The following MYO16 variants were observed in gnomAD, a reference collection of about 807,000 sequenced individuals.
The protein encoded by MYO16 is unconventional myosin-XVI.
MYO16 carries 94 observed loss-of-function variants against 205.3 expected under a neutral mutation model. The observed-to-expected ratio is 0.46, with a 90% CI of 0.39 to 0.54. The LOEUF (loss-of-function observed/expected upper bound fraction) is 0.54, where lower values mean the gene tolerates loss of function less well. MYO16 is among the 20% of genes least tolerant of loss of function. MYO16 has a pLI of 0.00. For missense variants in MYO16, 2,315 were observed against 2,387.5 expected, an observed-to-expected ratio of 0.97 and a Z score of 0.63; for synonymous variants, 988 against 954.0, an observed-to-expected ratio of 1.04 and a Z score of -0.66.
intron 21 of MYO16, among the ~76,000 whole-genome samples, chr13:109,001,864 G>A (rs1215660571): frequency 6.6e-6 from 1 of 152,092 alleles, no homozygotes; most frequent in African/African-American, 2.4e-5. Flanking sequence ...CACAATTAGT[G>A]TTCTGCTGAA....
intron 32 of MYO16, among the ~76,000 whole-genome samples, chr13:109,147,697 T>A (rs534457071): frequency 2.6e-5 from 4 of 152,034 alleles, no homozygotes; most frequent in Admixed American, 6.5e-5. Context: ...GGGGTGGGAG[T>A]GCTCATGAAA....
intron 2 of MYO16, among the ~76,000 whole-genome samples, chr13:108,686,357 T>G (rs1012799717): frequency 5.3e-5 from 8 of 152,228 alleles, no homozygotes; most frequent in Non-Finnish European, 1.0e-4. Context: ...TTGTCATATT[T>G]TAAAAATACT....
chr13:108,497,973 A>G, the MYO16 span, among the ~76,000 whole-genome samples: 101 of 152,376 alleles, frequency 6.6e-4, 1 homozygote, highest in African/African-American at 2.0e-3. Context: ...TGAAGCCACA[A>G]TCATACATAG....
At chr13:109,068,763 G>C (rs1887835288) in intron 27 of MYO16, among the ~76,000 whole-genome samples, 1 of 151,956 alleles carries the variant, frequency 6.6e-6, no homozygotes, top group Admixed American at 6.6e-5. Context: ...AGCTAATTTT[G>C]TATTTTTAGT....
chr13:108,543,658 A>G, the MYO16 span, among the ~76,000 whole-genome samples: 2 of 150,666 alleles, frequency 1.3e-5, no homozygotes, highest in East Asian at 3.9e-4. Flanking sequence ...AAAAAAAAAA[A>G]AAAAAGAAAA....
chr13:108,914,222 A>G (rs1473069731), intron 16 of MYO16, among the ~76,000 whole-genome samples: 1 of 149,258 alleles, frequency 6.7e-6, no homozygotes, highest in Admixed American at 6.7e-5. Context: ...TGTATCTACT[A>G]TTGTTAATAT....
intron 16 of MYO16, among the ~76,000 whole-genome samples, chr13:108,926,165 A>G (rs1881991724): frequency 6.6e-6 from 1 of 152,210 alleles, no homozygotes; most frequent in Non-Finnish European, 1.5e-5. Context: ...AAATACACTG[A>G]CGTGTTTCAG....
chr13:108,547,542 C>T, the MYO16 span, among the ~76,000 whole-genome samples: 2 of 152,146 alleles, frequency 1.3e-5, no homozygotes, highest in Non-Finnish European at 2.9e-5. Flanking sequence ...GCACACCACT[C>T]TGTATACTAT....
upstream of MYO16, among the ~76,000 whole-genome samples, chr13:108,595,188 C>T (rs1311865127): frequency 1.3e-5 from 2 of 152,140 alleles, no homozygotes; most frequent in African/African-American, 4.8e-5. Flanking sequence ...TTTATAGATA[C>T]ATATGGATTT....
At chr13:108,582,483 C>A in the MYO16 span, among the ~76,000 whole-genome samples, 1 of 152,180 alleles carries the variant, frequency 6.6e-6, no homozygotes, top group Non-Finnish European at 1.5e-5. Flanking sequence ...CAACTGAGCA[C>A]CCAGCTCACC....
At chr13:108,506,892 T>A in the MYO16 span, among the ~76,000 whole-genome samples, 1 of 152,210 alleles carries the variant, frequency 6.6e-6, no homozygotes, top group African/African-American at 2.4e-5. Context: ...TTTTTTACCA[T>A]GAAAATATGT....
At chr13:109,006,908 C>T (rs1885404586) in intron 21 of MYO16, among the ~76,000 whole-genome samples, 2 of 152,048 alleles carry the variant, frequency 1.3e-5, no homozygotes, top group Admixed American at 6.5e-5. Flanking sequence ...CAGGAGTCCA[C>T]GAAGAGTCGG....
chr13:108,810,588 T>G (rs1312133727), intron 7 of MYO16, among the ~76,000 whole-genome samples: 1 of 152,200 alleles, frequency 6.6e-6, no homozygotes, highest in Non-Finnish European at 1.5e-5. Context: ...AAGATGTCAT[T>G]TAGTATGCAC....
At chr13:108,518,127 A>G in the MYO16 span, among the ~76,000 whole-genome samples, 1 of 152,234 alleles carries the variant, frequency 6.6e-6, no homozygotes, top group Non-Finnish European at 1.5e-5. Flanking sequence ...AATGCCCAGA[A>G]AGAATAATGT....
intron 4 of MYO16, among the ~76,000 whole-genome samples, chr13:108,745,669 G>A (rs1885037546): frequency 6.6e-6 from 1 of 151,790 alleles, no homozygotes; most frequent in Non-Finnish European, 1.5e-5. Flanking sequence ...AAAAGGCAAG[G>A]AAAACACAGT....
chr13:109,106,269 A>G (rs1197823945), intron 28 of MYO16, among the ~76,000 whole-genome samples: 1 of 152,224 alleles, frequency 6.6e-6, no homozygotes, highest in African/African-American at 2.4e-5. Flanking sequence ...GTTATTAACC[A>G]TCTGCTATTT....
the MYO16 span, among the ~76,000 whole-genome samples, chr13:108,576,512 A>G: frequency 3.9e-5 from 6 of 152,236 alleles, no homozygotes; most frequent in Non-Finnish European, 8.8e-5. Context: ...AAGCATTGTT[A>G]TTTATTCGAC....
At chr13:108,872,858 G>A (rs2139141944) in intron 12 of MYO16, among the ~76,000 whole-genome samples, 1 of 152,200 alleles carries the variant, frequency 6.6e-6, no homozygotes, top group Middle Eastern at 3.4e-3. Context: ...CTTTTTATAG[G>A]TCATGAGAAA....
intron 27 of MYO16, among the ~76,000 whole-genome samples, chr13:109,096,637 C>G (rs1888785266): frequency 6.6e-6 from 1 of 152,122 alleles, no homozygotes; most frequent in Admixed American, 6.5e-5. Context: ...ATGCGACTTA[C>G]CATCTCCTGC....
Sources: allele counts gnomAD v4.1 joint callset (sites outside exome capture counted in the v4.1 genomes callset), GRCh38; gene constraint gnomAD v4.1.1; transcripts MANE v1.5; gene names NCBI Gene and HGNC (gene_info 2026-07-23, HGNC 2026-07-21).